NRG1: variants seen among roughly 807,000 people sequenced by gnomAD.
NRG1 encodes neuregulin 1.
Under a neutral mutation model 63.8 loss-of-function variants are expected in NRG1, and 18 were observed. The observed-to-expected ratio is 0.28, with a 90% CI of 0.19 to 0.42. The LOEUF is 0.42. Among genes scored for constraint, NRG1 ranks in the 10% least tolerant of loss-of-function variants. The pLI, the probability that NRG1 is intolerant of heterozygous loss-of-function variation, is 1.00. For synonymous variants in NRG1, 302 were observed against 301.3 expected (o/e 1.00, Z -0.02); for missense variants, 762 against 814.7 (o/e 0.94, Z 0.79).
Position 32,634,125 on chromosome 8 carries a change from A to G in NRG1, c.502+17240A>G, listed in dbSNP as rs562992217. 5.3e-5 allele frequency among the ~76,000 whole-genome samples: 8 copies of G among 151,014 alleles called. No individual in the cohort carries two copies. In the South Asian group the frequency reaches 1.3e-3, roughly 24 times the overall value. Reference sequence around the variant, plus strand: ...AAAAAAAAAAAAAAAAAAAGGTTGCATAAAGCAGCAGAGACAGGATCAACC... The same window carrying G: ...AAAAAAAAAAAAAAAAAAAGGTTGCGTAAAGCAGCAGAGACAGGATCAACC... On this transcript the variant is annotated intron_variant, in intron 5 of 11. Transcript: ENST00000356819.
intron 1 of NRG1, among the ~76,000 whole-genome samples, chr8:31,683,550 G>A (rs1438633931): frequency 6.6e-6 from 1 of 152,118 alleles, no homozygotes; most frequent in Admixed American, 6.6e-5. Flanking sequence ...GGAGGGAAGC[G>A]TGAGTAGGCA....
chr8:32,098,713 T>C (rs1342001427), intron 1 of NRG1: 1 of 152,176 alleles, frequency 6.6e-6, no homozygotes, highest in Non-Finnish European at 1.5e-5. Context: ...CAAATTTGCA[T>C]CTTGTCTGAT....
At chr8:32,212,212 G>A (rs539503390) in intron 1 of NRG1, among the ~76,000 whole-genome samples, 2 of 152,210 alleles carry the variant, frequency 1.3e-5, no homozygotes, top group South Asian at 2.1e-4. Context: ...AATAGGGGCA[G>A]GGGAGAAGGA....
intron 1 of NRG1, among the ~76,000 whole-genome samples, chr8:31,835,629 C>T (rs1274465770): frequency 6.6e-6 from 1 of 152,084 alleles, no homozygotes; most frequent in Non-Finnish European, 1.5e-5. Context: ...TTCACAAACC[C>T]CTTAGGCTGC....
chr8:32,240,819 CTCTT>C (rs1848026034), intron 1 of NRG1, among the ~76,000 whole-genome samples: 1 of 152,032 alleles, frequency 6.6e-6, no homozygotes, highest in African/African-American at 2.4e-5. Context: ...ATTTTAGAGA[CTCTT>C]TCAGATTTTT....
At chr8:32,136,974 C>T (rs1224217758) in intron 1 of NRG1, among the ~76,000 whole-genome samples, 7 of 152,116 alleles carry the variant, frequency 4.6e-5, no homozygotes, top group Non-Finnish European at 1.5e-5. Context: ...TATATACTTT[C>T]AGGGTATATA....
At position 32,407,461 on chromosome 8, in the gene NRG1, A is replaced by C. The variant is rs73675176; in HGVS notation, c.38-188367A>C. Among the ~76,000 whole-genome samples the C allele has an allele frequency of 6.3e-3, 954 of 151,838 alleles. 11 individuals are homozygous for C. Among genetic ancestry groups the C allele is most frequent in the African/African-American group, 0.022 (915 of 41,386 alleles). On this transcript the variant is annotated intron_variant, in intron 1 of 10. Coordinates refer to the NRG1 transcript ENST00000519301. ...CCATTAGTCCTTTACAATGAAGAAC[A>C]TATTAGGTGAGTCAATACTTAATTC...
In NRG1 at chr8:32,690,664, G is replaced by A. The variant is rs891740178; in HGVS notation, c.503-37285G>A. On this transcript the variant is annotated intron_variant, in intron 5 of 11. Coordinates refer to ENST00000356819, the Ensembl canonical transcript of NRG1. ...TAAAATCAGCACCTGTAGATCTCCT[G>A]GTGAAGATAAACTCCATGGGCATGT... Among the ~76,000 whole-genome samples the A allele has an allele frequency of 3.3e-5, 5 of 151,850 alleles. No homozygotes were observed. The East Asian group carries it at 9.7e-4, about 29-fold the overall frequency.
chr8:32,408,776 G>T (rs1324033438), intron 1 of NRG1, among the ~76,000 whole-genome samples: 1 of 151,910 alleles, frequency 6.6e-6, no homozygotes, highest in African/African-American at 2.4e-5. Flanking sequence ...TTTATTTAGC[G>T]GGTACAAGTG....
At chr8:32,749,899 C>G (rs1828341854) in intron 7 of NRG1, 1 of 337,188 alleles carries the variant, frequency 3.0e-6, no homozygotes, top group African/African-American at 2.2e-5. Flanking sequence ...TATATAAAAG[C>G]TGGGGTAAGT....
At chr8:32,144,575 G>T (rs1836664964) in intron 1 of NRG1, among the ~76,000 whole-genome samples, 1 of 152,120 alleles carries the variant, frequency 6.6e-6, no homozygotes, top group South Asian at 2.1e-4. Flanking sequence ...CCTATCACTA[G>T]GCAAGGCAGC....
At chr8:31,939,601 G>A (rs375249285) in intron 1 of NRG1, among the ~76,000 whole-genome samples, 1 of 151,820 alleles carries the variant, frequency 6.6e-6, no homozygotes, top group South Asian at 2.1e-4. Flanking sequence ...TAGCCTAAAT[G>A]CACCTCTTAA....
At chr8:32,303,352 TA>T (rs1261522151) in intron 1 of NRG1, among the ~76,000 whole-genome samples, 13 of 150,464 alleles carry the variant, frequency 8.6e-5, no homozygotes, top group African/African-American at 2.4e-4. Context: ...TTAAAAACAT[TA>T]AAAAAAAACA....
rs146901265 is a variant in NRG1 at position 32,245,940 on chromosome 8, C to A, written c.38-349888C>A. The stretch of plus-strand genomic sequence containing the variant: ...AAATATCTCAAGTTTTCTGAGCCTG[C>A]GAGGAAGTATCCTTTACCTGTAAAT... On this transcript the variant is annotated intron_variant, in intron 1 of 10. Coordinates refer to the NRG1 transcript ENST00000519301. Among the ~76,000 whole-genome samples, 553 of 152,172 alleles carry A rather than the reference C, an allele frequency of 3.6e-3. 1 individual carries two copies. The highest frequency in any genetic ancestry group is 0.013 in the African/African-American group (522 of 41,538).
intron 1 of NRG1, among the ~76,000 whole-genome samples, chr8:31,687,249 A>G (rs1808995237): frequency 6.6e-6 from 1 of 152,224 alleles, no homozygotes; most frequent in East Asian, 1.9e-4. Flanking sequence ...AATATCAATT[A>G]GACTTGAACG....
At chr8:32,647,928 C>G in intron 5 of NRG1, 1 of 1,614,178 alleles carries the variant, frequency 6.2e-7, no homozygotes, top group Non-Finnish European at 8.5e-7. Flanking sequence ...GAGAGGTTGC[C>G]TCAACTCAGA....
At chr8:32,459,432 C>T (rs773781527) in intron 1 of NRG1, among the ~76,000 whole-genome samples, 3 of 151,436 alleles carry the variant, frequency 2.0e-5, no homozygotes, top group Non-Finnish European at 4.4e-5. Context: ...TTTACGTTTG[C>T]CTTTTCTAAC....
At chr8:31,888,908 C>T (rs1201957617) in intron 1 of NRG1, among the ~76,000 whole-genome samples, 8 of 152,040 alleles carry the variant, frequency 5.3e-5, no homozygotes, top group African/African-American at 2.4e-5. Context: ...TTAGAAAACC[C>T]TAAAGCTCTG....
In NRG1 at chr8:32,707,845, C is replaced by T. The variant is rs1030701526; in HGVS notation, c.503-20104C>T. On this transcript the variant is annotated intron_variant, in intron 5 of 11. Coordinates refer to ENST00000356819, the Ensembl canonical transcript of NRG1. ...AAACTTAAAAATAAGAATATTTAAG[C>T]CTGGTAAGCATCTTTGTTCTCTCAA... 5.3e-5 allele frequency among the ~76,000 whole-genome samples: 8 copies of T among 151,598 alleles called. No homozygotes were observed. The East Asian group carries it at 7.7e-4, about 15-fold the overall frequency.
Sources: gnomAD v4.1 joint callset for allele counts (sites outside exome capture counted in the v4.1 genomes callset) on GRCh38, gnomAD v4.1.1 for gene constraint, MANE v1.5 for transcripts, NCBI Gene and HGNC (gene_info 2026-07-23, HGNC 2026-07-21) for gene names.